The following MYBPC2 variants were observed in gnomAD, a reference collection of about 807,000 sequenced individuals.
MYBPC2 encodes myosin binding protein C2, also known as myosin-binding protein C, fast-type.
A neutral mutation model predicts 137.0 loss-of-function variants in MYBPC2; 122 were observed. The ratio of observed to expected loss-of-function variants is 0.89; its 90% CI spans 0.77 to 1.03. The LOEUF is 1.03. Among genes scored for constraint, MYBPC2 ranks in the 50% least tolerant of loss-of-function variants. The pLI, the probability that MYBPC2 is intolerant of heterozygous loss-of-function variation, is 0.00. For synonymous variants in MYBPC2, 626 were observed against 612.3 expected (o/e 1.02, Z -0.33); for missense variants, 1,500 against 1,534.4 (o/e 0.98, Z 0.37).
chr19:50,458,349 C>A (rs2039932824), intron 20 of MYBPC2, among the ~76,000 whole-genome samples: 1 of 151,022 alleles, frequency 6.6e-6, no homozygotes, highest in Non-Finnish European at 1.5e-5. Context: ...GCACTCCAGC[C>A]TGGGCGACAG....
In MYBPC2 at chr19:50,462,021, CAG is replaced by C. The variant is rs1568670223; in HGVS notation, c.3216_3217del (p.Gly1073ProfsTer17). 2 of 1,572,316 alleles carry C rather than the reference CAG, an allele frequency of 1.3e-6. No individual in the cohort carries two copies. The highest frequency in any genetic ancestry group is 1.2e-5 in the South Asian group (1 of 85,470). On this transcript the variant is annotated frameshift_variant, in exon 26 of 28. Transcript: ENST00000357701. LOFTEE classifies it high-confidence loss of function. ...ACTCGGCAGCCCTCAACTGTGCTGT[CAG>C]AGGCCACCCGAAGGTGCCAGGGCAG... The part of the protein sequence containing the change: ...GYSAALNCAV[R>X]GHPKPKVVWM...
In MYBPC2 at chr19:50,450,923, C is replaced by G. The variant is rs1399729991; in HGVS notation, c.1567C>G (p.Leu523Val). The G allele has an allele frequency of 4.5e-6, 7 of 1,566,696 alleles. No homozygotes were observed. Among genetic ancestry groups the G allele is most frequent in the Non-Finnish European group, 5.2e-6 (6 of 1,156,016 alleles). ...DGYALSLSAK[L>V]NFLEIKVEYV... ...CTACGCCCTGTCGCTCTCGGCCAAG[C>G]TCAACTTCCTGGGTGAGGATGCCCC... The change falls in exon 14 of 28, where the codon CTC becomes GTC. Residue 523 changes from leucine (L) to valine (V), a missense_variant. Transcript: ENST00000357701.
intron 9 of MYBPC2, among the ~76,000 whole-genome samples, chr19:50,443,192 T>C (rs1270824907): frequency 6.6e-6 from 1 of 152,046 alleles, no homozygotes; most frequent in Admixed American, 6.6e-5. Flanking sequence ...GGTATGGTGG[T>C]GTGCACCTGT....
Position 50,455,623 on chromosome 19 carries a change from G to A in MYBPC2, c.2317G>A (p.Val773Met). The A allele has an allele frequency of 3.7e-6, 6 of 1,613,988 alleles. No homozygotes were observed. Among genetic ancestry groups the A allele is most frequent in the Non-Finnish European group, 5.1e-6 (6 of 1,179,896 alleles). Residue 773 changes from valine (V) to methionine (M), a missense_variant, in exon 20 of 28, where the codon GTG becomes ATG. Coordinates refer to ENST00000357701, the MANE Select transcript of MYBPC2 (RefSeq NM_004533.4). Reference protein sequence around the residue: ...IGAGGIDGYLVEYCLEGSEEW... With the variant: ...IGAGGIDGYLMEYCLEGSEEW... ...GGCAGGTGGCATCGATGGGTACCTG[G>A]TGGAGTACTGCCTGGAAGGCTGTGA...
rs749073832 is a variant in MYBPC2, at chr19:50,435,859, A to T, written c.193A>T (p.Thr65Ser). ...LKKPDSVSVE[T>S]GKDAVVVAKV... ...GAAGCCGGACTCCGTCTCAGTGGAG[A>T]CTGGTGAGGGGAACCCGGGGGAGGA... Residue 65 changes from threonine (T) to serine (S), a missense_variant, in exon 3 of 28, where the codon ACT becomes TCT. Thr to Ser is a moderately conservative substitution (Grantham distance 58). Coordinates refer to ENST00000357701, the MANE Select transcript of MYBPC2 (RefSeq NM_004533.4). The surrounding 1 kb of genome is among the most constrained non-coding windows in gnomAD (Gnocchi z 4.8). 75 of 1,590,874 alleles carry T rather than the reference A, an allele frequency of 4.7e-5. No individual in the cohort carries two copies. In the South Asian group the frequency reaches 8.4e-4, roughly 18 times the overall value.
At chr19:50,448,519 A>C in intron 13 of MYBPC2, 129 bp downstream of exon 13, 1 of 1,266,508 alleles carries the variant, frequency 7.9e-7, no homozygotes, top group Non-Finnish European at 1.1e-6. Context: ...CCCAGGCTAG[A>C]GTGCAATGGC....
chr19:50,449,363 C>G (rs2039835813), intron 13 of MYBPC2, among the ~76,000 whole-genome samples: 1 of 152,178 alleles, frequency 6.6e-6, no homozygotes, highest in Non-Finnish European at 1.5e-5. Context: ...GCACGCCGCT[C>G]CCTATGGCAC....
rs542138316 is a variant in MYBPC2, at chr19:50,441,152, C to T, written c.769+76C>T. On this transcript the variant is annotated intron_variant, in intron 8 of 27. Transcript: ENST00000357701. ...CCTTGTGGGTGTCTAATGATTGGAC[C>T]CTGGACCTATCTTTTCGAGGTCCCA... is the stretch of plus-strand genomic sequence containing the variant. 3.5e-6 allele frequency: 5 copies of T among 1,411,408 alleles called. No individual in the cohort carries two copies. In the Admixed American group the frequency reaches 8.5e-5, roughly 24 times the overall value. The allele number at this position is 1,411,408 out of a possible 1,614,324, so 87.4% of individuals were successfully genotyped here.
chr19:50,455,356 C>A, intron 19 of MYBPC2, 60 bp downstream of exon 19: 5 of 1,574,782 alleles, frequency 3.2e-6, no homozygotes, highest in Non-Finnish European at 3.5e-6. Context: ...GATCCATCAA[C>A]CCCGTCCACC....
chr19:50,436,773 T>C, intron 5 of MYBPC2, 39 bp downstream of exon 5: 1 of 1,586,552 alleles, frequency 6.3e-7, no homozygotes, highest in South Asian at 1.1e-5. Context: ...GGGTTCTATG[T>C]CTGGGTGGGG....
intron 8 of MYBPC2, among the ~76,000 whole-genome samples, chr19:50,441,507 C>T (rs2039755230): frequency 6.6e-6 from 1 of 152,206 alleles, no homozygotes. Context: ...CCCTGTTCCG[C>T]AGGAGCAGTC....
chr19:50,460,179 G>T lies in MYBPC2; in HGVS notation c.2931G>T (p.Met977Ile). 6.2e-7 allele frequency: 1 copy of T among 1,602,968 alleles called. No homozygotes were observed. Among genetic ancestry groups the T allele is most frequent in the Non-Finnish European group, 8.5e-7 (1 of 1,174,706 alleles). The change falls in exon 24 of 28, where the codon ATG becomes ATT. Residue 977 changes from methionine to isoleucine, a missense_variant and splice_region_variant. By Grantham distance (10) the Met-to-Ile change is conservative. Transcript: ENST00000357701. The part of the protein sequence containing the change: ...YFVQKADKKT[M>I]EWFNVYERNR... ...TCCAGAAAGCAGACAAAAAAACCATGGTGAGAGAGCAGAGGGGGAGATGGG... is the reference window on the plus strand; with the variant it reads ...TCCAGAAAGCAGACAAAAAAACCATTGTGAGAGAGCAGAGGGGGAGATGGG...
At chr19:50,446,651 C>A (rs1387016900) in intron 12 of MYBPC2, among the ~76,000 whole-genome samples, 4 of 151,436 alleles carry the variant, frequency 2.6e-5, no homozygotes, top group South Asian at 4.2e-4. Flanking sequence ...GAAAACCCAT[C>A]TCTACTAAGA....
At position 50,442,303 on chromosome 19, in the gene MYBPC2, C is replaced by T. The variant is rs752133655; in HGVS notation, c.892C>T (p.Pro298Ser). ...KWFKNGQEIKPSSKYVFENVG... is the reference protein window; with the variant it reads ...KWFKNGQEIKSSSKYVFENVG... ...GTTCAAGAACGGCCAGGAGATCAAA[C>T]CAAGCAGCAAGTATGTGTGGGGTGG... is the stretch of plus-strand genomic sequence containing the variant. Residue 298 changes from proline (P) to serine (S), a missense_variant, in exon 9 of 28, where the codon CCA (proline) becomes TCA (serine). Physicochemically the swap from Pro to Ser is moderately conservative, Grantham distance 74 (BLOSUM62 -1). Transcript: ENST00000357701. 20 of 1,608,914 alleles carry T rather than the reference C, an allele frequency of 1.2e-5. No individual in the cohort carries two copies. The highest frequency in any genetic ancestry group is 1.5e-5 in the Non-Finnish European group (18 of 1,177,866).
At chr19:50,433,532 G>A (rs2039676209) in intron 1 of MYBPC2, among the ~76,000 whole-genome samples, 1 of 151,982 alleles carries the variant, frequency 6.6e-6, no homozygotes, top group South Asian at 2.1e-4. Context: ...GGGTAGCTGG[G>A]ATTACAGGCC....
chr19:50,450,869 G>A lies in MYBPC2; in HGVS notation c.1513G>A (p.Glu505Lys). The change falls in exon 14 of 28, where the codon GAG becomes AAG. Residue 505 changes from glutamate to lysine, a missense_variant. Glu to Lys is a moderately conservative substitution (Grantham distance 56). Coordinates refer to ENST00000357701, the MANE Select transcript of MYBPC2 (RefSeq NM_004533.4). ...GATCGATGACGTCCGCCCCGAGGAT[G>A]AGGGAGACTACACGTTTGTGCCTGA... The part of the protein sequence containing the change: ...LVIDDVRPED[E>K]GDYTFVPDGY... The A allele has an allele frequency of 1.9e-6, 3 of 1,580,604 alleles. No homozygotes were observed. Among genetic ancestry groups the A allele is most frequent in the Non-Finnish European group, 2.6e-6 (3 of 1,163,676 alleles).
At chr19:50,458,375 A>T (rs914773424) in intron 20 of MYBPC2, among the ~76,000 whole-genome samples, 3 of 123,262 alleles carry the variant, frequency 2.4e-5, no homozygotes, top group South Asian at 4.8e-4. Flanking sequence ...GACTCCGTTT[A>T]AAAAAAAAAA....
At position 50,435,279 on chromosome 19, in the gene MYBPC2, G is replaced by A. The variant is rs765819878; in HGVS notation, c.109+29G>A. 15 of 807,704 alleles carry A rather than the reference G, an allele frequency of 1.9e-5. No individual in the cohort carries two copies. The highest frequency in any genetic ancestry group is 2.6e-5 in the East Asian group (1 of 38,168). The allele number at this position is 807,704 out of a possible 1,614,324, so 50.0% of individuals were successfully genotyped here. A position where few individuals can be genotyped will look rare whatever the true frequency, so the allele number is the denominator to read the frequency against. On this transcript the variant is annotated intron_variant, in intron 2 of 27. Transcript: ENST00000357701. The surrounding 1 kb of genome is among the most constrained non-coding windows in gnomAD (Gnocchi z 4.8). ...AGGAGGTGCTCCCTCGGGCTCAACC[G>A]ACCTGGCTTCTCATCTCCATCCTCC...
chr19:50,455,682 A>G (rs1194441955), intron 20 of MYBPC2, 38 bp downstream of exon 20: 7 of 1,607,464 alleles, frequency 4.4e-6, no homozygotes, highest in African/African-American at 2.7e-5. Flanking sequence ...GGTGGTGGCT[A>G]GCACAGGTGG....
Sources: allele counts gnomAD v4.1 joint callset (sites outside exome capture counted in the v4.1 genomes callset), GRCh38; gene constraint gnomAD v4.1.1; non-coding constraint Gnocchi (gnomAD v3.1); transcripts MANE v1.5; gene names NCBI Gene and HGNC (gene_info 2026-07-23, HGNC 2026-07-21).